Variants in SNTG2 observed in about 807,000 individuals in gnomAD.
SNTG2 encodes gamma-2-syntrophin.
Under a neutral mutation model 70.9 loss-of-function variants are expected in SNTG2, and 74 were observed. That is an observed-to-expected ratio of 1.04 (90% CI 0.86 to 1.27). The LOEUF is 1.27. Among genes scored for constraint, SNTG2 ranks in the 50% most tolerant of loss-of-function variants. SNTG2 has a pLI of 0.00. For synonymous variants in SNTG2, 278 were observed against 273.8 expected (o/e 1.02, Z -0.15); for missense variants, 717 against 690.7 (o/e 1.04, Z -0.43).
intron 8 of SNTG2, among the ~76,000 whole-genome samples, chr2:1,179,011 T>G (rs1671678706): frequency 6.6e-6 from 1 of 152,068 alleles, no homozygotes; most frequent in South Asian, 2.1e-4. Flanking sequence ...GAGATTCAAC[T>G]TCTTCCTGGT....
intron 9 of SNTG2, among the ~76,000 whole-genome samples, chr2:1,228,838 A>G (rs186581562): frequency 6.6e-6 from 1 of 152,118 alleles, no homozygotes; most frequent in African/African-American, 2.4e-5. Context: ...GCGCGTCTGG[A>G]GTTTGTTCCT....
intron 9 of SNTG2, among the ~76,000 whole-genome samples, chr2:1,231,369 G>C (rs1032077089): frequency 1.9e-4 from 29 of 152,336 alleles, no homozygotes; most frequent in African/African-American, 5.8e-4. Context: ...ACTTAGGATA[G>C]AGCCTGGCAC....
At chr2:1,290,185 C>T (rs1422300205) in intron 14 of SNTG2, among the ~76,000 whole-genome samples, 1 of 152,130 alleles carries the variant, frequency 6.6e-6, no homozygotes, top group African/African-American at 2.4e-5. Context: ...CACAGTTCCA[C>T]AGGCTGTACA....
In SNTG2 at chr2:1,238,058, C is replaced by T. The variant is rs144956380; in HGVS notation, c.849+41C>T. On this transcript the variant is annotated intron_variant, in intron 10 of 16. Coordinates refer to ENST00000308624, the MANE Select transcript of SNTG2 (RefSeq NM_018968.4). ...TTCTGAGTCTCTGCTGATGCTCATT[C>T]GTGCATGAAAAATAATGGAGACATC... The T allele has an allele frequency of 1.1e-3, 1,762 of 1,573,158 alleles. 21 individuals carry two copies. The African/African-American group carries it at 0.021, about 19-fold the overall frequency.
intron 6 of SNTG2, among the ~76,000 whole-genome samples, chr2:1,142,745 A>T (rs543998175): frequency 6.6e-6 from 1 of 152,190 alleles, no homozygotes; most frequent in Non-Finnish European, 1.5e-5. Flanking sequence ...TCAATTCAGA[A>T]TCTCCAGTCA....
At chr2:1,023,826 A>C (rs7580579) in intron 1 of SNTG2, among the ~76,000 whole-genome samples, 61,650 of 152,034 alleles carry the variant, frequency 0.41, 12,725 homozygotes, top group African/African-American at 0.45. Flanking sequence ...ATGTCCGCTT[A>C]CACCAGGTCC....
intron 6 of SNTG2, chr2:1,161,811 A>C (rs1670300510): frequency 6.6e-6 from 1 of 152,220 alleles, no homozygotes; most frequent in Non-Finnish European, 1.5e-5. Context: ...GCGGTGGCTC[A>C]CGCCTGTAAT....
intron 9 of SNTG2, among the ~76,000 whole-genome samples, chr2:1,211,688 G>A (rs112214284): frequency 0.014 from 2,170 of 152,172 alleles, 48 homozygotes; most frequent in African/African-American, 0.047. Context: ...ATCAGATCTC[G>A]TGATTCTTAT....
intron 1 of SNTG2, among the ~76,000 whole-genome samples, chr2:1,015,535 TACAG>T (rs1339754309): frequency 6.6e-5 from 10 of 152,274 alleles, no homozygotes; most frequent in Admixed American, 5.9e-4. Context: ...AATCCCGTGG[TACAG>T]ACAGACAGTC....
chr2:1,367,469 A>C lies in SNTG2; in HGVS notation c.1615A>C (p.Ser539Arg). The C allele has an allele frequency of 1.3e-6, 2 of 1,549,164 alleles. No homozygotes were observed. The highest frequency in any genetic ancestry group is 1.7e-6 in the Non-Finnish European group (2 of 1,146,402). The change falls in exon 17 of 17, where the codon AGC (serine) becomes CGC (arginine). Residue 539 changes from serine to arginine, a missense_variant. Physicochemically the swap from Ser to Arg is moderately radical, Grantham distance 110. Transcript: ENST00000308624. ...TCTTGCCAGAAAATACATGTACAGC[A>C]GCTAAAGGTTGTTTCTGTTGAGTGC... ...QSLARKYMYS[S>R]
chr2:1,305,637 AT>A (rs1680638429), intron 14 of SNTG2, among the ~76,000 whole-genome samples: 1 of 152,204 alleles, frequency 6.6e-6, no homozygotes, highest in Non-Finnish European at 1.5e-5. Flanking sequence ...GAGGAAACAG[AT>A]TTTTTTAAAA....
intron 14 of SNTG2, among the ~76,000 whole-genome samples, chr2:1,302,200 C>T (rs1680482732): frequency 6.6e-6 from 1 of 152,090 alleles, no homozygotes; most frequent in Non-Finnish European, 1.5e-5. Context: ...AGCTCGTGAT[C>T]CTCCCACCTC....
chr2:1,274,036 T>C (rs1186348661), intron 14 of SNTG2, among the ~76,000 whole-genome samples: 1 of 152,184 alleles, frequency 6.6e-6, no homozygotes, highest in Admixed American at 6.5e-5. Context: ...AATAGGTAGG[T>C]TGAAATATGC....
chr2:1,140,675 T>G (rs897653283), intron 6 of SNTG2, among the ~76,000 whole-genome samples: 8 of 152,248 alleles, frequency 5.3e-5, no homozygotes, highest in African/African-American at 1.9e-4. Flanking sequence ...CCAGGATATC[T>G]CAGCGCAAGA....
At chr2:1,051,128 T>C (rs1662034772) in intron 1 of SNTG2, among the ~76,000 whole-genome samples, 1 of 144,642 alleles carries the variant, frequency 6.9e-6, no homozygotes, top group Non-Finnish European at 1.5e-5. Flanking sequence ...ATTTTTTCAA[T>C]GTTTACACAT....
At chr2:1,285,651 A>AGGAG (rs1305041821) in intron 14 of SNTG2, among the ~76,000 whole-genome samples, 1 of 152,266 alleles carries the variant, frequency 6.6e-6, no homozygotes. Context: ...TAACAAAAGA[A>AGGAG]GGAGGAAATG....
intron 4 of SNTG2, among the ~76,000 whole-genome samples, chr2:1,119,744 C>T (rs1667265104): frequency 6.6e-6 from 1 of 151,192 alleles, no homozygotes; most frequent in Non-Finnish European, 1.5e-5. Context: ...CAAAGGCAGA[C>T]GAGAGTGGAG....
chr2:1,142,732 C>T (rs895581918), intron 6 of SNTG2, among the ~76,000 whole-genome samples: 21 of 152,190 alleles, frequency 1.4e-4, no homozygotes, highest in African/African-American at 5.1e-4. Flanking sequence ...AATCTCTACT[C>T]ATTCAATTCA....
intron 7 of SNTG2, among the ~76,000 whole-genome samples, chr2:1,166,594 TACAGGA>T (rs1315589739): frequency 7.9e-5 from 12 of 152,154 alleles, no homozygotes; most frequent in Non-Finnish European, 1.2e-4. Flanking sequence ...TTTTCACTGA[TACAGGA>T]GGGGGGCAGG....
Sources: allele counts gnomAD v4.1 joint callset (sites outside exome capture counted in the v4.1 genomes callset), GRCh38; gene constraint gnomAD v4.1.1; transcripts MANE v1.5; gene names NCBI Gene and HGNC (gene_info 2026-07-23, HGNC 2026-07-21).